TMEM184B: variants seen among roughly 807,000 people sequenced by gnomAD.
TMEM184B encodes transmembrane protein 184B.
Under a neutral mutation model 41.8 loss-of-function variants are expected in TMEM184B, and 17 were observed. The ratio of observed to expected loss-of-function variants is 0.41; its 90% confidence interval spans 0.28 to 0.61. The LOEUF (loss-of-function observed/expected upper bound fraction) is 0.61, where lower values mean the gene tolerates loss of function less well. Among genes scored for constraint, TMEM184B ranks in the 20% least tolerant of loss-of-function variants. The pLI is 0.34. For missense variants in TMEM184B, 393 were observed against 557.8 expected (o/e 0.70, Z 2.98); for synonymous variants, 240 against 229.5 (o/e 1.05, Z -0.41).
At chr22:38,247,273 G>A (rs913009392) in intron 2 of TMEM184B, among the ~76,000 whole-genome samples, 7 of 152,224 alleles carry the variant, frequency 4.6e-5, no homozygotes, top group Admixed American at 1.3e-4. Flanking sequence ...GGCTGGACAC[G>A]AGACTAGTTC....
chr22:38,264,604 C>T (rs1361010141), intron 1 of TMEM184B, among the ~76,000 whole-genome samples: 1 of 152,190 alleles, frequency 6.6e-6, no homozygotes, highest in African/African-American at 2.4e-5. Flanking sequence ...TATGTAACTC[C>T]TGTGCCCAAC....
rs765236424 is a variant in TMEM184B at position 38,225,476 on chromosome 22, G to A, written c.735C>T (p.Pro245=). The change falls in exon 7 of 9, where the codon CCC becomes CCT. Residue 245 remains proline, a synonymous_variant. Coordinates refer to ENST00000361906, the MANE Select transcript of TMEM184B (RefSeq NM_012264.5). The surrounding 1 kb of genome is among the most constrained non-coding windows in gnomAD (Gnocchi z 4.4). ...ATRELLSPYS[P]VLKFFMVKSV... ...ACTTGACCATGAAGAACTTGAGGAC[G>A]GGGCTGTAGGGGCTGAGCAGCTCCC... is the stretch of plus-strand genomic sequence containing the variant. 43 of 1,580,068 alleles carry A rather than the reference G, an allele frequency of 2.7e-5. No homozygotes were observed. Among genetic ancestry groups the A allele is most frequent in the South Asian group, 1.5e-4 (13 of 86,560 alleles).
At chr22:38,259,939 CTTTTTTTT>C (rs60704295) in intron 1 of TMEM184B, among the ~76,000 whole-genome samples, 5 of 87,396 alleles carry the variant, frequency 5.7e-5, no homozygotes, top group South Asian at 3.8e-4. Context: ...CCACGCCTGG[CTTTTTTTT>C]TTTTTTTTTT....
intron 3 of TMEM184B, among the ~76,000 whole-genome samples, chr22:38,236,197 C>T (rs1033848798): frequency 6.6e-6 from 1 of 152,202 alleles, no homozygotes; most frequent in Non-Finnish European, 1.5e-5. Context: ...ACTCCTCCAT[C>T]GTTGGAATGA....
At chr22:38,264,126 C>T (rs758372693) in intron 1 of TMEM184B, among the ~76,000 whole-genome samples, 6 of 152,158 alleles carry the variant, frequency 3.9e-5, no homozygotes, top group Non-Finnish European at 7.3e-5. Flanking sequence ...TAAAGTTGTC[C>T]AAGTGAAGAA....
chr22:38,272,861 G>A lies in TMEM184B; in HGVS notation c.-59+23C>T, dbSNP rs551975609. ...CGCAGCTCCCCCTTGGGGCTCCCGG[G>A]CGAGGCCGGCCAGGCGGGATACCTC... is the stretch of plus-strand genomic sequence containing the variant. On this transcript the variant is annotated intron_variant, in intron 1 of 8. Transcript: ENST00000361906. 318 of 955,634 alleles carry A rather than the reference G, an allele frequency of 3.3e-4. 1 individual carries two copies. In the African/African-American group the frequency reaches 5.1e-3, roughly 15 times the overall value. 59.2% of individuals were successfully genotyped at this position (955,634 alleles called of 1,614,324 possible).
At chr22:38,253,894 T>C (rs1297627814) in intron 1 of TMEM184B, among the ~76,000 whole-genome samples, 1 of 152,128 alleles carries the variant, frequency 6.6e-6, no homozygotes. Flanking sequence ...TGGGAATGTA[T>C]GAAGAATGCT....
downstream of TMEM184B, chr22:38,219,209 G>A (rs1013244190): frequency 3.1e-6 from 3 of 967,608 alleles, no homozygotes; most frequent in Non-Finnish European, 3.7e-6. Flanking sequence ...TTCCTAAGCC[G>A]CCTGTACCCA....
intron 3 of TMEM184B, among the ~76,000 whole-genome samples, chr22:38,232,496 G>A (rs1028715910): frequency 5.9e-5 from 9 of 152,224 alleles, no homozygotes; most frequent in African/African-American, 1.7e-4. Context: ...TGCAGCAGAC[G>A]GTACCCAAAA....
chr22:38,234,889 C>G (rs1456090454), intron 3 of TMEM184B, among the ~76,000 whole-genome samples: 1 of 152,198 alleles, frequency 6.6e-6, no homozygotes, highest in African/African-American at 2.4e-5. Context: ...CGCTCCATGC[C>G]CGAATCTCCT....
intron 3 of TMEM184B, among the ~76,000 whole-genome samples, chr22:38,241,328 T>A (rs181708610): frequency 3.3e-5 from 5 of 152,268 alleles, no homozygotes; most frequent in African/African-American, 1.2e-4. Flanking sequence ...GATAGGTATA[T>A]GTAGAAAACT....
intron 2 of TMEM184B, chr22:38,246,957 A>C: frequency 9.5e-7 from 1 of 1,052,202 alleles, no homozygotes; most frequent in Non-Finnish European, 1.3e-6. Context: ...TGGGTTCTAA[A>C]AGGGATGGGG....
At chr22:38,253,136 A>T (rs9306325) in intron 1 of TMEM184B, among the ~76,000 whole-genome samples, 1 of 151,692 alleles carries the variant, frequency 6.6e-6, no homozygotes, top group African/African-American at 2.4e-5. Context: ...AGCCAGACGC[A>T]GTCTCAAAAA....
At position 38,226,966 on chromosome 22, in the gene TMEM184B, G is replaced by T; in HGVS notation, c.526-96C>A. 3 of 1,265,968 alleles carry T rather than the reference G, an allele frequency of 2.4e-6. No individual in the cohort carries two copies. The highest frequency in any genetic ancestry group is 1.3e-5 in the South Asian group (1 of 76,516). The allele number at this position is 1,265,968 out of a possible 1,614,324, so 78.4% of individuals were successfully genotyped here. A position where few individuals can be genotyped will look rare whatever the true frequency, so the allele number is the denominator to read the frequency against. ...CAGACGGAACTGTACCGGATGGAGG[G>T]ACAGAGAGGATGAAGGAGACGGAGA... On this transcript the variant is annotated intron_variant, in intron 5 of 8. Coordinates refer to ENST00000361906, the MANE Select transcript of TMEM184B (RefSeq NM_012264.5). The surrounding 1 kb of genome is among the most constrained non-coding windows in gnomAD (Gnocchi z 4.6).
chr22:38,256,977 G>GTTTTTTTTTTTT lies in TMEM184B; in HGVS notation c.-58-8970_-58-8959dup, dbSNP rs777863582. ...CAAAGCCTGGAAGTGGACATTAATA[G>GTTTTTTTTTTTT]TTTTTTTTTTTTTTTTTTTTTGAGA... On this transcript the variant is annotated intron_variant, in intron 1 of 8. Transcript: ENST00000361906. Among the ~76,000 whole-genome samples, 307 of 124,282 alleles carry GTTTTTTTTTTTT rather than the reference G, an allele frequency of 2.5e-3. 7 individuals are homozygous for GTTTTTTTTTTTT. Among genetic ancestry groups the GTTTTTTTTTTTT allele is most frequent in the African/African-American group, 6.0e-3 (192 of 32,104 alleles). 81.5% of individuals were successfully genotyped at this position (124,282 alleles called of 152,430 possible).
intron 8 of TMEM184B, chr22:38,222,396 G>A (rs746426547): frequency 8.7e-5 from 14 of 161,162 alleles, no homozygotes; most frequent in South Asian, 2.0e-4. Flanking sequence ...GAAATGCCCC[G>A]ATATCCCATG....
At chr22:38,250,022 T>C (rs969969845) in intron 1 of TMEM184B, among the ~76,000 whole-genome samples, 1 of 152,208 alleles carries the variant, frequency 6.6e-6, no homozygotes, top group African/African-American at 2.4e-5. Flanking sequence ...GCTCCAAAAA[T>C]GAGCTCAGAG....
At chr22:38,247,634 A>G in intron 2 of TMEM184B, 136 bp downstream of exon 2, 1 of 1,144,244 alleles carries the variant, frequency 8.7e-7, no homozygotes, top group Admixed American at 3.0e-5. Flanking sequence ...GTAGACTTCT[A>G]TCGAGGGAAG....
At position 38,220,347 on chromosome 22, in the gene TMEM184B, G is replaced by C. The variant is rs1187483319; in HGVS notation, c.*1122C>G. 1.0e-6 allele frequency: 1 copy of C among 986,054 alleles called. No individual in the cohort carries two copies. The highest frequency in any genetic ancestry group is 1.2e-6 in the Non-Finnish European group (1 of 830,248). The allele number at this position is 986,054 out of a possible 1,614,324, so 61.1% of individuals were successfully genotyped here. ...CCCCAGGGAGCGTGTGGGACAGATG[G>C]GGAGCCAGGGAGGGGCGCTTTCATA... is the stretch of plus-strand genomic sequence containing the variant. On this transcript the variant is annotated 3_prime_UTR_variant, in exon 9 of 9. Coordinates refer to ENST00000361906, the MANE Select transcript of TMEM184B (RefSeq NM_012264.5).
Sources: allele counts gnomAD v4.1 joint callset (sites outside exome capture counted in the v4.1 genomes callset), GRCh38; gene constraint gnomAD v4.1.1; non-coding constraint Gnocchi (gnomAD v3.1); transcripts MANE v1.5; gene names NCBI Gene and HGNC (gene_info 2026-07-23, HGNC 2026-07-21).